Variants in USP36 observed in about 807,000 individuals in gnomAD.
The protein encoded by USP36 is ubiquitin carboxyl-terminal hydrolase 36.
In USP36, 59 loss-of-function variants were observed where a neutral mutation model predicts 111.5. The ratio of observed to expected loss-of-function variants is 0.53; its 90% CI spans 0.43 to 0.66. USP36 has a LOEUF of 0.66. USP36 is among the 30% of genes least tolerant of loss of function. USP36 has a pLI of 0.00. For synonymous variants in USP36, 628 were observed against 581.0 expected, an observed-to-expected ratio of 1.08 and a Z score of -1.16; for missense variants, 1,488 against 1,468.0, an observed-to-expected ratio of 1.01 and a Z score of -0.22.
At position 78,813,784 on chromosome 17, in the gene USP36, C is replaced by G. The variant is rs139009802; in HGVS notation, c.1254G>C (p.Leu418=). 1.9e-6 allele frequency: 3 copies of G among 1,614,012 alleles called. No homozygotes were observed. The highest frequency in any genetic ancestry group is 2.5e-6 in the Non-Finnish European group (3 of 1,179,926). ...KVVLNQQAYV[L]FYLRIPGSKK... ...CGTGAGTTTATTACCGCAGATAGAA[C>G]AGCACGTAGGCCTGCTGGTTCAGAA... is the stretch of plus-strand genomic sequence containing the variant. The change falls in exon 12 of 21, where the codon CTG becomes CTC. Residue 418 remains leucine, a synonymous_variant. Coordinates refer to ENST00000449938, the MANE Select transcript of USP36 (RefSeq NM_001385174.1).
Position 78,836,345 on chromosome 17 carries a change from A to C in USP36, c.19T>G (p.Leu7Val). 2 of 1,614,012 alleles carry C rather than the reference A, an allele frequency of 1.2e-6. No individual in the cohort carries two copies. Among genetic ancestry groups the C allele is most frequent in the Non-Finnish European group, 1.7e-6 (2 of 1,179,984 alleles). MPIVDK[L>V]KEALKPGRKD... ...CGGCCGGGTTTCAGGGCCTCCTTCA[A>C]CTTATCCACTATTGGCATGGTGCAT... The change falls in exon 3 of 21, where the codon TTG becomes GTG. Residue 7 changes from leucine to valine, a missense_variant. Transcript: ENST00000449938.
At chr17:78,825,720 T>C (rs1490186705) in intron 6 of USP36, among the ~76,000 whole-genome samples, 1 of 151,902 alleles carries the variant, frequency 6.6e-6, no homozygotes, top group Admixed American at 6.6e-5. Flanking sequence ...AGCCCAGGGG[T>C]CAGTTTCTGT....
rs199516494 is a variant in USP36 at position 78,799,803 on chromosome 17, G to A, written c.3023-35C>T. On this transcript the variant is annotated intron_variant, in intron 17 of 20. Transcript: ENST00000449938. The stretch of plus-strand genomic sequence containing the variant: ...GAGCAGCCAAGAAACATTTACAGAC[G>A]TTTAAAATAACCCACTGGGGAAGCA... 46 of 1,488,868 alleles carry A rather than the reference G, an allele frequency of 3.1e-5. 1 individual carries two copies. The Middle Eastern group carries it at 7.1e-4, about 23-fold the overall frequency. The allele number at this position is 1,488,868 out of a possible 1,614,324, so 92.2% of individuals were successfully genotyped here. A position where few individuals can be genotyped will look rare whatever the true frequency, so the allele number is the denominator to read the frequency against.
At chr17:78,809,317 A>G (rs58951893) in intron 13 of USP36, among the ~76,000 whole-genome samples, 43,119 of 152,026 alleles carry the variant, frequency 0.28, 6,812 homozygotes, top group African/African-American at 0.43. Context: ...ATTTTCTTCC[A>G]AGTTTTGTTT....
chr17:78,800,156 A>G (rs145977877), intron 17 of USP36, among the ~76,000 whole-genome samples: 34 of 151,820 alleles, frequency 2.2e-4, no homozygotes, highest in African/African-American at 7.7e-4. Flanking sequence ...AACCCTCCAA[A>G]ACCCCTTTAA....
In USP36 at chr17:78,807,092, GA is replaced by G; in HGVS notation, c.1951del (p.Ser651ProfsTer13). On this transcript the variant is annotated frameshift_variant, in exon 14 of 21. Coordinates refer to ENST00000449938, the MANE Select transcript of USP36 (RefSeq NM_001385174.1). LOFTEE classifies it high-confidence loss of function. The part of the protein sequence containing the change: ...QETNCSTAGH[S>X]KTPPSGADSK... ...ATCTGCTCCACTTGGCGGCGTTTTG[GA>G]GTGGCCAGCGGTGGAACAGTTCGTT... The G allele has an allele frequency of 6.2e-7, 1 of 1,614,258 alleles. No homozygotes were observed. The highest frequency in any genetic ancestry group is 8.5e-7 in the Non-Finnish European group (1 of 1,180,050).
rs1457430542 is a variant in USP36, at chr17:78,803,889, G to A, written c.2306C>T (p.Pro769Leu). 6.2e-7 allele frequency: 1 copy of A among 1,611,624 alleles called. No homozygotes were observed. Among genetic ancestry groups the A allele is most frequent in the Non-Finnish European group, 8.5e-7 (1 of 1,179,738 alleles). Residue 769 changes from proline (P) to leucine (L), a missense_variant, in exon 16 of 21, where the codon CCA becomes CTA. Around this residue, in one of 3 missense-constraint regions of USP36, gnomAD observed 1,073 missense variants for 994.1 expected, o/e 1.08. Transcript: ENST00000449938. The surrounding 1 kb of genome is among the most constrained non-coding windows in gnomAD (Gnocchi z 4.6). ...PTLLSSTPKP[P>L]GTSEPRSCSS... ...GCAGCTCCGTGGTTCTGACGTCCCTGGGGGCTTGGGGGTACTGGACAGCAA... is the reference window on the plus strand; with the variant it reads ...GCAGCTCCGTGGTTCTGACGTCCCTAGGGGCTTGGGGGTACTGGACAGCAA...
rs960831434 is a variant in USP36, at chr17:78,803,285, A to G, written c.2810+100T>C. On this transcript the variant is annotated intron_variant, in intron 16 of 20. Transcript: ENST00000449938. This position sits in a 1 kb window ranked among gnomAD's most constrained non-coding sequence, Gnocchi z 4.6. ...CCACATTTTAGAAAACCACGCAAGC[A>G]GACTACGTTTCCAGACCATACCTAC... is the stretch of plus-strand genomic sequence containing the variant. 1.5e-6 allele frequency: 2 copies of G among 1,318,128 alleles called. No homozygotes were observed. The highest frequency in any genetic ancestry group is 4.4e-5 in the Admixed American group (2 of 45,962). The allele number at this position is 1,318,128 out of a possible 1,614,324, so 81.7% of individuals were successfully genotyped here.
chr17:78,814,646 C>G lies in USP36; in HGVS notation c.1024-94G>C, dbSNP rs957825614. The G allele has an allele frequency of 1.4e-4, 198 of 1,456,526 alleles. 1 individual carries two copies. Among genetic ancestry groups the G allele is most frequent in the Non-Finnish European group, 1.7e-4 (189 of 1,082,094 alleles). 90.2% of individuals were successfully genotyped at this position (1,456,526 alleles called of 1,614,324 possible). A position where few individuals can be genotyped will look rare whatever the true frequency, so the allele number is the denominator to read the frequency against. ...ATCCACAACCACACAAAATGCCCAGCTTGTCTGGTCTTTAACAATTTGGGG... is the reference window on the plus strand; with the variant it reads ...ATCCACAACCACACAAAATGCCCAGGTTGTCTGGTCTTTAACAATTTGGGG... On this transcript the variant is annotated intron_variant, in intron 10 of 20. Coordinates refer to ENST00000449938, the MANE Select transcript of USP36 (RefSeq NM_001385174.1).
At chr17:78,792,757 C>T (rs916510481), downstream of USP36, among the ~76,000 whole-genome samples, 4 of 151,936 alleles carry the variant, frequency 2.6e-5, no homozygotes, top group East Asian at 1.9e-4. Context: ...CTCACTCTGT[C>T]GCCCAGGCTG....
intron 10 of USP36, among the ~76,000 whole-genome samples, chr17:78,814,909 C>A (rs1328787771): frequency 6.6e-6 from 1 of 152,078 alleles, no homozygotes; most frequent in Non-Finnish European, 1.5e-5. Flanking sequence ...CGAGATCGAG[C>A]CACTGCACTC....
Position 78,798,341 on chromosome 17 carries a change from A to G in USP36, c.*20+59T>C, listed in dbSNP as rs552945125. ...ACGCCACACCCCACCACACCCCTAC[A>G]CACATACACGGCACACACACCCCCA... On this transcript the variant is annotated intron_variant, in intron 20 of 20. Transcript: ENST00000449938. The surrounding 1 kb of genome is among the most constrained non-coding windows in gnomAD (Gnocchi z 5.1). 17 of 1,592,948 alleles carry G rather than the reference A, an allele frequency of 1.1e-5. No individual in the cohort carries two copies. The South Asian group carries it at 1.9e-4, about 18-fold the overall frequency.
Position 78,798,329 on chromosome 17 carries a change from CCACACCCCTA to C in USP36, c.*20+61_*20+70del. The C allele has an allele frequency of 6.4e-7, 1 of 1,571,734 alleles. No individual in the cohort carries two copies. The highest frequency in any genetic ancestry group is 8.6e-7 in the Non-Finnish European group (1 of 1,159,750). On this transcript the variant is annotated intron_variant, in intron 20 of 20. Transcript: ENST00000449938. This position sits in a 1 kb window ranked among gnomAD's most constrained non-coding sequence, Gnocchi z 5.1. ...CATCATACACACACGCCACACCCCA[CCACACCCCTA>C]CACACATACACGGCACACACACCCC...
Position 78,819,933 on chromosome 17 carries a change from G to T in USP36, c.908C>A (p.Ala303Asp). 6.2e-7 allele frequency: 1 copy of T among 1,613,992 alleles called. No homozygotes were observed. Among genetic ancestry groups the T allele is most frequent in the Non-Finnish European group, 8.5e-7 (1 of 1,179,952 alleles). ...VLSGENAYMC[A>D]KCKKKVPASK... ...CCACAAGCAACGTGAAACTTACTTA[G>T]CACACATGTAGGCATTCTCTCCACT... is the stretch of plus-strand genomic sequence containing the variant. Residue 303 changes from alanine (A) to aspartate (D), a missense_variant, in exon 9 of 21, where the codon GCT becomes GAT. Ala to Asp is a moderately radical substitution (Grantham distance 126). Coordinates refer to ENST00000449938, the MANE Select transcript of USP36 (RefSeq NM_001385174.1).
intron 6 of USP36, chr17:78,826,536 ACAACT>A (rs1163003147): frequency 2.6e-5 from 4 of 152,688 alleles, no homozygotes; most frequent in Non-Finnish European, 4.4e-5. Context: ...ACTTATTGCC[ACAACT>A]CAACTTCTCT....
intron 3 of USP36, 139 bp from the exon 4 acceptor site, chr17:78,835,640 G>A: frequency 1.1e-6 from 1 of 891,180 alleles, no homozygotes; most frequent in Non-Finnish European, 1.7e-6. Flanking sequence ...TGGTGTTCTG[G>A]TTTACAGGAC....
At position 78,807,226 on chromosome 17, in the gene USP36, G is replaced by C; in HGVS notation, c.1818C>G (p.Asp606Glu). The C allele has an allele frequency of 6.2e-7, 1 of 1,614,074 alleles. No individual in the cohort carries two copies. Among genetic ancestry groups the C allele is most frequent in the Non-Finnish European group, 8.5e-7 (1 of 1,179,986 alleles). The part of the protein sequence containing the change: ...LKGNDESAGL[D>E]RRGSSSSSPE... ...GGCTGGAGCTGCTGGAGCCCCTCCT[G>C]TCGAGGCCAGCGCTCTCGTCGTTCC... Residue 606 changes from aspartate to glutamate, a missense_variant, in exon 14 of 21, where the codon GAC becomes GAG. Coordinates refer to ENST00000449938, the MANE Select transcript of USP36 (RefSeq NM_001385174.1).
intron 4 of USP36, among the ~76,000 whole-genome samples, chr17:78,833,922 G>A (rs1480995293): frequency 2.6e-5 from 4 of 152,056 alleles, no homozygotes; most frequent in Non-Finnish European, 5.9e-5. Context: ...TTGGAAGAAC[G>A]TGTAAAGGAT....
chr17:78,839,572 G>C (rs1040623687), intron 1 of USP36, among the ~76,000 whole-genome samples: 8 of 152,172 alleles, frequency 5.3e-5, no homozygotes, highest in African/African-American at 1.9e-4. Context: ...TTAGGGAGGG[G>C]ATAAACGAAC....
Sources: allele counts gnomAD v4.1 joint callset (sites outside exome capture counted in the v4.1 genomes callset), GRCh38; gene constraint gnomAD v4.1.1; regional missense constraint gnomAD v4.1.1; non-coding constraint Gnocchi (gnomAD v3.1); transcripts MANE v1.5; gene names NCBI Gene and HGNC (gene_info 2026-07-23, HGNC 2026-07-21).